CBFB: variants seen among roughly 807,000 people sequenced by gnomAD.
CBFB encodes CBF-beta.
In CBFB, 9 loss-of-function variants were observed where a neutral mutation model predicts 30.4. The ratio of observed to expected loss-of-function variants is 0.30; its 90% CI spans 0.18 to 0.52. CBFB has a LOEUF of 0.52. Ranked by LOEUF, CBFB falls within the 20% of genes least tolerant of loss-of-function variation. CBFB has a pLI of 0.97. For synonymous variants in CBFB, 94 were observed against 84.0 expected (o/e 1.12, Z -0.65); for missense variants, 170 against 244.0 (o/e 0.70, Z 2.02).
intron 4 of CBFB, among the ~76,000 whole-genome samples, chr16:67,080,437 TGAGA>T (rs748178758): frequency 3.3e-5 from 5 of 151,836 alleles, no homozygotes; most frequent in Non-Finnish European, 7.4e-5. Context: ...GTGGAGACAA[TGAGA>T]GAGTGAAGAG....
intron 5 of CBFB, among the ~76,000 whole-genome samples, chr16:67,085,216 C>T (rs1334404947): frequency 6.6e-6 from 1 of 151,958 alleles, no homozygotes; most frequent in Non-Finnish European, 1.5e-5. Flanking sequence ...GTCGCCCAGG[C>T]TGGAGTGCAG....
chr16:67,081,687 T>C (rs1209683896), intron 4 of CBFB, among the ~76,000 whole-genome samples: 1 of 151,966 alleles, frequency 6.6e-6, no homozygotes, highest in Admixed American at 6.6e-5. Context: ...GTGCCTGTAG[T>C]CCCAGCTGCT....
Position 67,029,199 on chromosome 16 carries a change from G to A in CBFB, c.-209G>A. The A allele has an allele frequency of 9.1e-6, 2 of 219,202 alleles. No homozygotes were observed. Among genetic ancestry groups the A allele is most frequent in the Non-Finnish European group, 1.7e-5 (2 of 117,948 alleles). The allele number at this position is 219,202 out of a possible 1,614,324, so 13.6% of individuals were successfully genotyped here. On this transcript the variant is annotated 5_prime_UTR_variant, in exon 1 of 6. Transcript: ENST00000412916. Reference sequence around the variant, plus strand: ...GCAGGCAACGGCTGAGGCGGCGGCGGCGGCGGCGGCGGCGTGGGTTGGGCT... The same window carrying A: ...GCAGGCAACGGCTGAGGCGGCGGCGACGGCGGCGGCGGCGTGGGTTGGGCT...
At chr16:67,063,761 T>A (rs1960976462) in intron 3 of CBFB, among the ~76,000 whole-genome samples, 1 of 152,174 alleles carries the variant, frequency 6.6e-6, no homozygotes, top group Non-Finnish European at 1.5e-5. Flanking sequence ...AGTACTATTT[T>A]AAAGGTATCT....
chr16:67,050,676 C>T (rs1053859536), intron 3 of CBFB, among the ~76,000 whole-genome samples: 20 of 152,024 alleles, frequency 1.3e-4, no homozygotes, highest in Admixed American at 7.9e-4. Context: ...ACCTGTAGTC[C>T]TAGCTATTTG....
Position 67,057,036 on chromosome 16 carries a change from G to A in CBFB, c.283-9646G>A, listed in dbSNP as rs527746289. Among the ~76,000 whole-genome samples the A allele has an allele frequency of 1.2e-3, 175 of 151,266 alleles. 5 individuals carry two copies. The South Asian group carries it at 0.036, about 31-fold the overall frequency. On this transcript the variant is annotated intron_variant, in intron 3 of 5. Coordinates refer to ENST00000412916, the MANE Select transcript of CBFB (RefSeq NM_022845.3). ...CTCACTCTTTCGCCCAGGCTGGGGT[G>A]CAGTGGTGCAATCTTGGCTCACTGC...
intron 2 of CBFB, among the ~76,000 whole-genome samples, chr16:67,032,336 C>G (rs1428154031): frequency 1.3e-5 from 2 of 152,234 alleles, no homozygotes. Flanking sequence ...AAAAATAAAA[C>G]AAGTATCTGA....
chr16:67,063,588 C>T (rs1960970818), intron 3 of CBFB, among the ~76,000 whole-genome samples: 1 of 152,050 alleles, frequency 6.6e-6, no homozygotes. Context: ...ACTACAGGCA[C>T]ACACACCCAC....
chr16:67,029,610 C>T, intron 1 of CBFB, 117 bp from the exon 2 acceptor site: 3 of 1,311,550 alleles, frequency 2.3e-6, no homozygotes, highest in Non-Finnish European at 3.1e-6. Context: ...GGCAATCTCG[C>T]CGGGGCGGCC....
chr16:67,045,578 G>A (rs966637731), intron 3 of CBFB, among the ~76,000 whole-genome samples: 2 of 152,006 alleles, frequency 1.3e-5, no homozygotes, highest in African/African-American at 2.4e-5. Context: ...GTTAGAGTAC[G>A]TGAATCTGCA....
intron 2 of CBFB, chr16:67,030,150 CG>C (rs1156754165): frequency 4.2e-6 from 1 of 235,318 alleles, no homozygotes; most frequent in East Asian, 9.8e-5. Flanking sequence ...AACCCCCATT[CG>C]GAAAAAGAAG....
intron 5 of CBFB, among the ~76,000 whole-genome samples, chr16:67,085,196 G>A (rs1446170367): frequency 6.6e-6 from 1 of 151,946 alleles, no homozygotes; most frequent in African/African-American, 2.4e-5. Flanking sequence ...GTGTGATGGA[G>A]TCTCATTCTG....
intron 3 of CBFB, among the ~76,000 whole-genome samples, chr16:67,043,039 C>G (rs984720537): frequency 1.5e-4 from 23 of 152,162 alleles, no homozygotes; most frequent in African/African-American, 5.6e-4. Flanking sequence ...CCTGGTCCAC[C>G]ATGCCTTTTA....
At chr16:67,046,348 G>A (rs893708928) in intron 3 of CBFB, among the ~76,000 whole-genome samples, 7 of 152,004 alleles carry the variant, frequency 4.6e-5, no homozygotes, top group African/African-American at 1.5e-4. Context: ...CAATCCTCTC[G>A]CCTTGGCCTC....
At chr16:67,065,097 C>T (rs569385194) in intron 3 of CBFB, among the ~76,000 whole-genome samples, 1 of 152,218 alleles carries the variant, frequency 6.6e-6, no homozygotes, top group African/African-American at 2.4e-5. Context: ...TGGGGTTTTG[C>T]CATGTTGGCC....
At chr16:67,052,505 G>A (rs1205948267) in intron 3 of CBFB, among the ~76,000 whole-genome samples, 1 of 151,870 alleles carries the variant, frequency 6.6e-6, no homozygotes, top group Non-Finnish European at 1.5e-5. Context: ...GAGCCCAGGA[G>A]TTCAAGGCTG....
chr16:67,082,229 C>T lies in CBFB; in HGVS notation c.416C>T (p.Ala139Val), dbSNP rs1416931334. The part of the protein sequence containing the change: ...EERAQQEDAL[A>V]QQAFEEARRR... ...TTCTGACAGCAGGAGGATGCATTAG[C>T]ACAACAGGCCTTTGAAGAGGCTCGG... Residue 139 changes from alanine (A) to valine (V), a missense_variant, in exon 5 of 6, where the codon GCA (alanine) becomes GTA (valine). Coordinates refer to ENST00000412916, the MANE Select transcript of CBFB (RefSeq NM_022845.3). 1.2e-6 allele frequency: 2 copies of T among 1,600,730 alleles called. No individual in the cohort carries two copies. The highest frequency in any genetic ancestry group is 8.5e-7 in the Non-Finnish European group (1 of 1,171,502).
chr16:67,034,013 A>G (rs1214006389), intron 2 of CBFB, among the ~76,000 whole-genome samples: 1 of 151,862 alleles, frequency 6.6e-6, no homozygotes, highest in Non-Finnish European at 1.5e-5. Context: ...TATTTTTAGT[A>G]GAGGTGGGGT....
intron 3 of CBFB, among the ~76,000 whole-genome samples, chr16:67,037,176 C>T (rs1323864662): frequency 6.6e-6 from 1 of 152,118 alleles, no homozygotes; most frequent in Non-Finnish European, 1.5e-5. Context: ...GGATTACAGG[C>T]GTGAGCCACT....
Sources: allele counts gnomAD v4.1 joint callset (sites outside exome capture counted in the v4.1 genomes callset), GRCh38; gene constraint gnomAD v4.1.1; transcripts MANE v1.5; gene names NCBI Gene and HGNC (gene_info 2026-07-23, HGNC 2026-07-21).